GOLGA8H: variants seen among roughly 807,000 people sequenced by gnomAD.
GOLGA8H encodes the protein golgin A8 family member H.
In GOLGA8H, 47 loss-of-function variants were observed where a neutral mutation model predicts 82.7. That is an observed-to-expected ratio of 0.57 (90% confidence interval 0.45 to 0.73). GOLGA8H has a LOEUF of 0.73. GOLGA8H is among the 30% of genes least tolerant of loss of function. The probability of loss-of-function intolerance (pLI) is 0.00; values close to 1 mark genes in which losing one functional copy is unlikely to be tolerated. For missense variants in GOLGA8H, 372 were observed against 661.0 expected (o/e 0.56, Z 4.79); for synonymous variants, 108 against 241.6 (o/e 0.45, Z 5.13).
intron 8 of GOLGA8H, 131 bp from the exon 9 acceptor site, chr15:30,609,675 C>G: frequency 8.2e-7 from 1 of 1,223,836 alleles, no homozygotes; most frequent in Middle Eastern, 2.7e-4. Context: ...AAAACCAGAC[C>G]ACGGGCTTGG....
chr15:30,610,332 G>T lies in GOLGA8H; in HGVS notation c.817G>T (p.Asp273Tyr), dbSNP rs889123116. The T allele has an allele frequency of 6.3e-6, 9 of 1,432,342 alleles. No homozygotes were observed. The highest frequency in any genetic ancestry group is 7.6e-6 in the Non-Finnish European group (8 of 1,047,694). The allele number at this position is 1,432,342 out of a possible 1,614,324, so 88.7% of individuals were successfully genotyped here. A position where few individuals can be genotyped will look rare whatever the true frequency, so the allele number is the denominator to read the frequency against. The change falls in exon 11 of 19, where the codon GAT becomes TAT. Residue 273 changes from aspartate to tyrosine, a missense_variant. Asp to Tyr is a radical substitution (Grantham distance 160). Transcript: ENST00000566740. Reference protein sequence around the residue: ...ICTLKKEKQQDMRRVEKLERS... With the variant: ...ICTLKKEKQQYMRRVEKLERS... ...CACATTAAAGAAAGAGAAGCAGCAA[G>T]ATATGCGTCGGGTAGAGAAGCTGGA... is the stretch of plus-strand genomic sequence containing the variant.
At chr15:30,608,303 T>G in intron 5 of GOLGA8H, 28 bp from the exon 6 acceptor site, 2 of 1,588,218 alleles carry the variant, frequency 1.3e-6, no homozygotes, top group South Asian at 1.1e-5. Flanking sequence ...CTCCCCCTGG[T>G]AAGAGCTCTG....
rs571546471 is a variant in GOLGA8H, at chr15:30,605,900, A to C, written c.106A>C (p.Arg36=). The change falls in exon 2 of 19, where the codon AGG becomes CGG. Residue 36 remains arginine (R), a synonymous_variant. Coordinates refer to ENST00000566740, the MANE Select transcript of GOLGA8H (RefSeq NM_001282490.2). ...AGTTCCAGCAGGAGCGAACAGGAAC[A>C]GGAAAACAAATGGCAGTGTCCCTGA... ...PRVPAGANRN[R]KTNGSVPEKA... is the part of the protein sequence containing the mutation. 90 of 1,590,186 alleles carry C rather than the reference A, an allele frequency of 5.7e-5. 1 individual carries two copies. In the African/African-American group the frequency reaches 1.1e-3, roughly 20 times the overall value.
chr15:30,611,481 C>A, intron 13 of GOLGA8H, 135 bp downstream of exon 13: 1 of 1,533,374 alleles, frequency 6.5e-7, no homozygotes, highest in Middle Eastern at 2.3e-4. Flanking sequence ...GCAGGGCAGT[C>A]CTGTGACTGT....
intron 11 of GOLGA8H, 123 bp downstream of exon 11, chr15:30,610,512 G>A: frequency 1.6e-6 from 1 of 615,300 alleles, no homozygotes; most frequent in East Asian, 2.7e-5. Flanking sequence ...AGAGATCTGT[G>A]CCAGGAGACG....
Position 30,609,675 on chromosome 15 carries a change from C to T in GOLGA8H, c.592-131C>T, listed in dbSNP as rs2059984753. 5.7e-6 allele frequency: 7 copies of T among 1,223,836 alleles called. No individual in the cohort carries two copies. The African/African-American group carries it at 9.1e-5, about 16-fold the overall frequency. 75.8% of individuals were successfully genotyped at this position (1,223,836 alleles called of 1,614,324 possible). On this transcript the variant is annotated intron_variant, in intron 8 of 18. Coordinates refer to ENST00000566740, the MANE Select transcript of GOLGA8H (RefSeq NM_001282490.2). ...TACTGTGTTCTTTTAAAAACCAGAC[C>T]ACGGGCTTGGAAATGCCTTGATCTT...
rs1206098593 is a variant in GOLGA8H, at chr15:30,617,451, A to C, written c.*2890A>C. The stretch of plus-strand genomic sequence containing the variant: ...CTTTATTTTAAAGAGTCATTTTAAA[A>C]TAATATAACTATTAAAAAATGTAAC... On this transcript the variant is annotated 3_prime_UTR_variant, in exon 19 of 19. Transcript: ENST00000566740. 6.7e-6 allele frequency: 1 copy of C among 150,254 alleles called. No homozygotes were observed. The highest frequency in any genetic ancestry group is 1.5e-5 in the Non-Finnish European group (1 of 67,720). The allele number at this position is 150,254 out of a possible 1,614,324, so 9.3% of individuals were successfully genotyped here.
At position 30,609,547 on chromosome 15, in the gene GOLGA8H, A is replaced by G. The variant is rs1027013034; in HGVS notation, c.592-259A>G. Among the ~76,000 whole-genome samples, 27 of 150,024 alleles carry G rather than the reference A, an allele frequency of 1.8e-4. 1 individual carries two copies. The highest frequency in any genetic ancestry group is 6.0e-4 in the African/African-American group (24 of 40,116). On this transcript the variant is annotated intron_variant, in intron 8 of 18. Transcript: ENST00000566740. ...TGAAGTATTCCACAAAGGTTCAAAC[A>G]GTGGTAATAATAACAGTAATAACAA...
chr15:30,604,246 T>C, intron 1 of GOLGA8H, 73 bp downstream of exon 1: 1 of 1,359,658 alleles, frequency 7.4e-7, no homozygotes, highest in Middle Eastern at 2.5e-4. Context: ...CCTGCCAGAG[T>C]CTATACGACT....
At position 30,608,746 on chromosome 15, in the gene GOLGA8H, A is replaced by G. The variant is rs763028108; in HGVS notation, c.581A>G (p.Lys194Arg). 6.7e-7 allele frequency: 1 copy of G among 1,491,952 alleles called. No individual in the cohort carries two copies. Among genetic ancestry groups the G allele is most frequent in the East Asian group, 2.4e-5 (1 of 42,144 alleles). 92.4% of individuals were successfully genotyped at this position (1,491,952 alleles called of 1,614,324 possible). A position where few individuals can be genotyped will look rare whatever the true frequency, so the allele number is the denominator to read the frequency against. The change falls in exon 8 of 19, where the codon AAG (lysine) becomes AGG (arginine). Residue 194 changes from lysine (K) to arginine (R), a missense_variant. By Grantham distance (26) the Lys-to-Arg change is conservative. Transcript: ENST00000566740. ...AATGTCATGGCCACACAGAAGAAGA[A>G]GGCAAACCAGGTGAGTCCAACCACC... ...LSNVMATQKK[K>R]ANQLSSRSKA...
rs2059987895 is a variant in GOLGA8H, at chr15:30,609,814, C to G, written c.600C>G (p.Ser200Arg). 6.4e-7 allele frequency: 1 copy of G among 1,553,532 alleles called. No homozygotes were observed. Among genetic ancestry groups the G allele is most frequent in the African/African-American group, 1.4e-5 (1 of 73,216 alleles). The change falls in exon 9 of 19, where the codon AGC (serine) becomes AGG (arginine). Residue 200 changes from serine (S) to arginine (R), a missense_variant. Physicochemically the swap from Ser to Arg is moderately radical, Grantham distance 110. Transcript: ENST00000566740. ...CACTCTTCACCATCCAGTTGTCCAG[C>G]CGCAGCAAAGCACGTACGGAGTGGA... Reference protein sequence around the residue: ...TQKKKANQLSSRSKARTEWKL... With the variant: ...TQKKKANQLSRRSKARTEWKL...
At position 30,610,106 on chromosome 15, in the gene GOLGA8H, G is replaced by C. The variant is rs756428366; in HGVS notation, c.786G>C (p.Glu262Asp). The change falls in exon 10 of 19, where the codon GAG becomes GAC. Residue 262 changes from glutamate (E) to aspartate (D), a missense_variant and splice_region_variant. Physicochemically the swap from Glu to Asp is conservative, Grantham distance 45 (BLOSUM62 2). Transcript: ENST00000566740. ...AGAGGATGAGAAAAATGTCGCAGGA[G>C]GTGAGATCTCACCCTTCAGCCCCCC... ...WQQRMRKMSQ[E>D]ICTLKKEKQQ... 8 of 1,610,896 alleles carry C rather than the reference G, an allele frequency of 5.0e-6. No individual in the cohort carries two copies. Among genetic ancestry groups the C allele is most frequent in the Non-Finnish European group, 6.8e-6 (8 of 1,179,670 alleles).
chr15:30,614,574 T>C lies in GOLGA8H; in HGVS notation c.*13T>C, dbSNP rs1309788202. On this transcript the variant is annotated 3_prime_UTR_variant, in exon 19 of 19. Coordinates refer to ENST00000566740, the MANE Select transcript of GOLGA8H (RefSeq NM_001282490.2). ...AAGAAGGAGATAAACATCACCATCC[T>C]CAAAGAGCTGCTCAAGAAATTTTTA... is the stretch of plus-strand genomic sequence containing the variant. 2.5e-6 allele frequency: 4 copies of C among 1,597,636 alleles called. No homozygotes were observed.
rs1221839813 is a variant in GOLGA8H, at chr15:30,616,868, G to A, written c.*2307G>A. ...GTGACTAGAATGACCTTCGGATAGT[G>A]TTTAGCATCTGTAACCAATCTGACA... On this transcript the variant is annotated 3_prime_UTR_variant, in exon 19 of 19. Transcript: ENST00000566740. 6.6e-6 allele frequency: 1 copy of A among 151,054 alleles called. No homozygotes were observed. The highest frequency in any genetic ancestry group is 2.1e-4 in the South Asian group (1 of 4,804). The allele number at this position is 151,054 out of a possible 1,614,324, so 9.4% of individuals were successfully genotyped here.
rs1317924514 is a variant in GOLGA8H at position 30,614,714 on chromosome 15, A to T, written c.*153A>T. Among the ~76,000 whole-genome samples the T allele has an allele frequency of 3.9e-4, 58 of 147,334 alleles. No homozygotes were observed. The highest frequency in any genetic ancestry group is 6.6e-4 in the Non-Finnish European group (44 of 66,588). ...AATTTATAGTTTTAAGTTTATTTGT[A>T]AAAAGTTAAAAGAGAGTGGGTGTCT... On this transcript the variant is annotated 3_prime_UTR_variant, in exon 19 of 19. Coordinates refer to ENST00000566740, the MANE Select transcript of GOLGA8H (RefSeq NM_001282490.2).
intron 2 of GOLGA8H, among the ~76,000 whole-genome samples, chr15:30,606,483 T>C (rs1405210197): frequency 6.6e-6 from 1 of 151,472 alleles, no homozygotes; most frequent in African/African-American, 2.4e-5. Flanking sequence ...AGAGGTGATA[T>C]TGTTTCACTT....
chr15:30,613,043 G>T, intron 14 of GOLGA8H, 61 bp from the exon 15 acceptor site: 1 of 1,039,052 alleles, frequency 9.6e-7, no homozygotes, highest in Non-Finnish European at 1.4e-6. Flanking sequence ...GGAGGTAGAG[G>T]TGGGCCCACA....
chr15:30,613,321 G>T lies in GOLGA8H; in HGVS notation c.1368+126G>T. 2.7e-6 allele frequency: 2 copies of T among 730,860 alleles called. 1 individual carries two copies. The highest frequency in any genetic ancestry group is 3.3e-5 in the South Asian group (2 of 59,932). 45.3% of individuals were successfully genotyped at this position (730,860 alleles called of 1,614,324 possible). Reference sequence around the variant, plus strand: ...CCCTCACCCCTTCCGAGAGCCAGTGGTCAGACTCCATTTCACCTGTGGCCA... The same window carrying T: ...CCCTCACCCCTTCCGAGAGCCAGTGTTCAGACTCCATTTCACCTGTGGCCA... On this transcript the variant is annotated intron_variant, in intron 15 of 18. Transcript: ENST00000566740.
Position 30,613,341 on chromosome 15 carries a change from T to G in GOLGA8H, c.1368+146T>G. 4.0e-6 allele frequency: 3 copies of G among 756,538 alleles called. 1 individual carries two copies. In the South Asian group the frequency reaches 4.9e-5, roughly 12 times the overall value. The allele number at this position is 756,538 out of a possible 1,614,324, so 46.9% of individuals were successfully genotyped here. A position where few individuals can be genotyped will look rare whatever the true frequency, so the allele number is the denominator to read the frequency against. On this transcript the variant is annotated intron_variant, in intron 15 of 18. Transcript: ENST00000566740. ...CAGTGGTCAGACTCCATTTCACCTG[T>G]GGCCAACAGGTGCACTCTCTGAGGC...
Sources: allele counts gnomAD v4.1 joint callset (sites outside exome capture counted in the v4.1 genomes callset), GRCh38; gene constraint gnomAD v4.1.1; transcripts MANE v1.5; gene names NCBI Gene and HGNC (gene_info 2026-07-23, HGNC 2026-07-21).